ADGRB3: variants seen among roughly 807,000 people sequenced by gnomAD.
ADGRB3 encodes adhesion G protein-coupled receptor B3, also known as brain-specific angiogenesis inhibitor 3.
A neutral mutation model predicts 193.4 loss-of-function variants in ADGRB3; 37 were observed. That is an observed-to-expected ratio of 0.19 (90% CI 0.15 to 0.25). The LOEUF (loss-of-function observed/expected upper bound fraction) is 0.25. Ranked by LOEUF, ADGRB3 falls within the 10% of genes least tolerant of loss-of-function variation. The pLI, the probability that ADGRB3 is intolerant of heterozygous loss-of-function variation, is 1.00. For synonymous variants in ADGRB3, 690 were observed against 644.2 expected (o/e 1.07, Z -1.08); for missense variants, 1,637 against 1,852.9 (o/e 0.88, Z 2.14).
At chr6:68,772,103 GT>G (rs1766630163) in intron 3 of ADGRB3, among the ~76,000 whole-genome samples, 1 of 152,116 alleles carries the variant, frequency 6.6e-6, no homozygotes, top group African/African-American at 2.4e-5. Context: ...CCTAAACCAG[GT>G]AATCAGTTAG....
chr6:68,996,359 G>A (rs1379861072), intron 11 of ADGRB3, among the ~76,000 whole-genome samples: 2 of 151,878 alleles, frequency 1.3e-5, no homozygotes, highest in South Asian at 2.1e-4. Flanking sequence ...TACATCCCTA[G>A]CAATGTTATA....
At position 68,819,408 on chromosome 6, in the gene ADGRB3, T is replaced by A. The variant is rs76904597; in HGVS notation, c.758-111151T>A. On this transcript the variant is annotated intron_variant, in intron 3 of 31. Coordinates refer to ENST00000370598, the MANE Select transcript of ADGRB3 (RefSeq NM_001704.3). ...TTGCATTGCCCCTCCATTCTGTGTC[T>A]TCTTTATTAGCCTGCCTTTCTTCTT... 6.4e-3 allele frequency among the ~76,000 whole-genome samples: 979 copies of A among 152,112 alleles called. 12 individuals are homozygous for A. Among genetic ancestry groups the A allele is most frequent in the African/African-American group, 0.023 (944 of 41,534 alleles).
chr6:69,142,381 A>G (rs1258091519), intron 17 of ADGRB3, among the ~76,000 whole-genome samples: 1 of 152,186 alleles, frequency 6.6e-6, no homozygotes, highest in Non-Finnish European at 1.5e-5. Context: ...GTACAGTTGT[A>G]TATGAGTGTA....
intron 3 of ADGRB3, among the ~76,000 whole-genome samples, chr6:68,870,257 A>T (rs1489776687): frequency 6.6e-6 from 1 of 152,200 alleles, no homozygotes; most frequent in South Asian, 2.1e-4. Context: ...TGACTCTGAA[A>T]AAATTCTTAG....
At chr6:69,213,060 A>G (rs1423518549) in intron 17 of ADGRB3, among the ~76,000 whole-genome samples, 3 of 152,192 alleles carry the variant, frequency 2.0e-5, no homozygotes, top group African/African-American at 7.2e-5. Context: ...CTATAGATGA[A>G]GTATTCATTT....
intron 17 of ADGRB3, among the ~76,000 whole-genome samples, chr6:69,161,049 A>G (rs188266907): frequency 5.3e-5 from 8 of 152,194 alleles, no homozygotes; most frequent in Admixed American, 6.6e-5. Context: ...TCTTTCTAAA[A>G]CTTATTTTCC....
At chr6:69,269,626 T>C (rs1398391261) in intron 20 of ADGRB3, among the ~76,000 whole-genome samples, 1 of 152,166 alleles carries the variant, frequency 6.6e-6, no homozygotes, top group Admixed American at 6.6e-5. Flanking sequence ...TCTTTACATT[T>C]CAAATAAAAT....
chr6:68,910,585 A>C (rs1766674682), intron 3 of ADGRB3, among the ~76,000 whole-genome samples: 1 of 151,990 alleles, frequency 6.6e-6, no homozygotes, highest in South Asian at 2.1e-4. Context: ...TTTTTGTATA[A>C]GGTGTAAGGA....
chr6:69,386,650 T>G (rs1298869284), intron 31 of ADGRB3, among the ~76,000 whole-genome samples: 2 of 152,116 alleles, frequency 1.3e-5, no homozygotes, highest in Non-Finnish European at 2.9e-5. Flanking sequence ...TTATGCCAAC[T>G]AAAATAGATA....
At chr6:69,135,918 T>C (rs11759965) in intron 17 of ADGRB3, among the ~76,000 whole-genome samples, 18,859 of 152,064 alleles carry the variant, frequency 0.12, 1,236 homozygotes, top group Middle Eastern at 0.29. Flanking sequence ...CCCTGTGTGA[T>C]TGAAATGAAA....
intron 3 of ADGRB3, among the ~76,000 whole-genome samples, chr6:68,807,703 T>C (rs778363099): frequency 2.6e-5 from 4 of 152,134 alleles, no homozygotes; most frequent in Non-Finnish European, 5.9e-5. Context: ...AAATTAAGCA[T>C]TTGAAAATGT....
In ADGRB3 at chr6:68,943,997, G is replaced by A. The variant is rs1242862816; in HGVS notation, c.1195+3G>A. The stretch of plus-strand genomic sequence containing the variant: ...TTGTAATATTGCTCTTTGCCCAGGT[G>A]AGCCTATTCTGCATTTGGTTATGTT... On this transcript the variant is annotated splice_donor_region_variant and intron_variant, in intron 6 of 31. Transcript: ENST00000370598. 1.9e-6 allele frequency: 3 copies of A among 1,593,160 alleles called. No homozygotes were observed. The highest frequency in any genetic ancestry group is 1.3e-5 in the African/African-American group (1 of 74,820).
At chr6:68,913,974 G>C (rs888742568) in intron 3 of ADGRB3, among the ~76,000 whole-genome samples, 18 of 150,520 alleles carry the variant, frequency 1.2e-4, no homozygotes, top group Admixed American at 7.3e-4. Context: ...GAAATGAAGC[G>C]AGAAGGGAAG....
Position 68,943,892 on chromosome 6 carries a change from C to A in ADGRB3, c.1093C>A (p.Gln365Lys). ...ATGTTCATTTACATGTGGTCGAGGCCAAAGAACAAGAACAAGGTCATGCAC... is the reference window on the plus strand; with the variant it reads ...ATGTTCATTTACATGTGGTCGAGGCAAAAGAACAAGAACAAGGTCATGCAC... The part of the protein sequence containing the change: ...SLCSFTCGRG[Q>K]RTRTRSCTPP... Residue 365 changes from glutamine to lysine, a missense_variant, in exon 6 of 32, where the codon CAA (glutamine) becomes AAA (lysine). This residue lies in a region of ADGRB3 where 641 missense variants were observed against 673.9 expected (regional missense o/e 0.95). Coordinates refer to ENST00000370598, the MANE Select transcript of ADGRB3 (RefSeq NM_001704.3). 1 of 1,613,754 alleles carries A rather than the reference C, an allele frequency of 6.2e-7. No homozygotes were observed. The highest frequency in any genetic ancestry group is 1.1e-5 in the South Asian group (1 of 91,056).
chr6:68,772,393 C>T (rs1188587198), intron 3 of ADGRB3, among the ~76,000 whole-genome samples: 1 of 152,052 alleles, frequency 6.6e-6, no homozygotes, highest in Non-Finnish European at 1.5e-5. Flanking sequence ...TTGAGGTATT[C>T]ATAGGACTCT....
chr6:69,043,312 G>GAAAGAAAGA (rs1771135896), intron 13 of ADGRB3, among the ~76,000 whole-genome samples: 5 of 150,468 alleles, frequency 3.3e-5, no homozygotes, highest in African/African-American at 1.2e-4. Flanking sequence ...AAGAAAGAAA[G>GAAAGAAAGA]AAAGAAAGAA....
chr6:68,690,314 C>T (rs906782120), intron 3 of ADGRB3, among the ~76,000 whole-genome samples: 3 of 152,040 alleles, frequency 2.0e-5, no homozygotes, highest in Non-Finnish European at 2.9e-5. Context: ...AATATTACAA[C>T]GTACCTTTGT....
At chr6:68,979,565 G>T (rs899373563) in intron 10 of ADGRB3, among the ~76,000 whole-genome samples, 2 of 151,450 alleles carry the variant, frequency 1.3e-5, no homozygotes, top group African/African-American at 4.8e-5. Context: ...AGTGCTAAAC[G>T]TTGTGAGATT....
intron 19 of ADGRB3, among the ~76,000 whole-genome samples, chr6:69,237,947 A>C (rs555466740): frequency 9.9e-5 from 15 of 152,202 alleles, no homozygotes; most frequent in Admixed American, 5.2e-4. Flanking sequence ...AGTTAGTCCC[A>C]TTTGAGTTTG....
Sources: allele counts gnomAD v4.1 joint callset (sites outside exome capture counted in the v4.1 genomes callset), GRCh38; gene constraint gnomAD v4.1.1; regional missense constraint gnomAD v4.1.1; transcripts MANE v1.5; gene names NCBI Gene and HGNC (gene_info 2026-07-23, HGNC 2026-07-21).